GOLM2: variants seen among roughly 807,000 people sequenced by gnomAD.
GOLM2 encodes protein GOLM2.
Under a neutral mutation model 55.9 loss-of-function variants are expected in GOLM2, and 26 were observed. That is an observed-to-expected ratio of 0.47 (90% CI 0.34 to 0.65). The LOEUF (loss-of-function observed/expected upper bound fraction) is 0.65. Ranked by LOEUF, GOLM2 falls within the 30% of genes least tolerant of loss-of-function variation. GOLM2 has a pLI of 0.01. For synonymous variants in GOLM2, 165 were observed against 194.6 expected, an observed-to-expected ratio of 0.85 and a Z score of 1.27; for missense variants, 486 against 531.8, an observed-to-expected ratio of 0.91 and a Z score of 0.85.
At chr15:44,374,612 C>G (rs919870130) in intron 6 of GOLM2, among the ~76,000 whole-genome samples, 1 of 152,202 alleles carries the variant, frequency 6.6e-6, no homozygotes, top group African/African-American at 2.4e-5. Context: ...GGCCTCAGGA[C>G]ACTTGCAATC....
intron 2 of GOLM2, among the ~76,000 whole-genome samples, 173 bp from the exon 3 acceptor site, chr15:44,328,512 A>G (rs1179980273): frequency 1.3e-5 from 2 of 152,206 alleles, no homozygotes; most frequent in Non-Finnish European, 1.5e-5. Context: ...TTGACCATGA[A>G]TGTGTTACAA....
At chr15:44,369,445 T>G (rs991559952) in intron 6 of GOLM2, among the ~76,000 whole-genome samples, 1 of 151,780 alleles carries the variant, frequency 6.6e-6, no homozygotes, top group African/African-American at 2.4e-5. Context: ...TTTTGTTTAT[T>G]TATTGTTATC....
chr15:44,407,209 T>C (rs1181707088), intron 9 of GOLM2, among the ~76,000 whole-genome samples: 1 of 146,854 alleles, frequency 6.8e-6, no homozygotes, highest in Non-Finnish European at 1.5e-5. Context: ...TTTATATTTA[T>C]ATTATATATT....
intron 4 of GOLM2, among the ~76,000 whole-genome samples, chr15:44,335,883 C>T (rs1471743533): frequency 1.4e-5 from 2 of 148,130 alleles, no homozygotes; most frequent in African/African-American, 5.0e-5. Context: ...GGCCCGATCT[C>T]GGCTCACTGC....
At chr15:44,294,696 A>G (rs1157398321) in intron 1 of GOLM2, among the ~76,000 whole-genome samples, 1 of 146,732 alleles carries the variant, frequency 6.8e-6, no homozygotes, top group Non-Finnish European at 1.5e-5. Flanking sequence ...CCTGGAGGAC[A>G]GCGAGACTCC....
intron 1 of GOLM2, among the ~76,000 whole-genome samples, chr15:44,300,530 G>C (rs144223925): frequency 6.6e-6 from 1 of 152,078 alleles, no homozygotes; most frequent in Non-Finnish European, 1.5e-5. Context: ...ATGATGACTA[G>C]GATTTAGTTG....
chr15:44,395,026 T>C (rs1013742640), intron 8 of GOLM2, among the ~76,000 whole-genome samples: 2 of 151,986 alleles, frequency 1.3e-5, no homozygotes, highest in African/African-American at 4.8e-5. Context: ...TTTTTTTTTT[T>C]TGAGACGGAG....
intron 1 of GOLM2, among the ~76,000 whole-genome samples, chr15:44,306,589 T>G (rs1477904038): frequency 6.6e-6 from 1 of 152,224 alleles, no homozygotes; most frequent in East Asian, 1.9e-4. Flanking sequence ...ACAATTTGGC[T>G]GTTTGGCACA....
intron 8 of GOLM2, among the ~76,000 whole-genome samples, chr15:44,394,096 T>C (rs1252280300): frequency 6.6e-6 from 1 of 152,172 alleles, no homozygotes; most frequent in Admixed American, 6.5e-5. Flanking sequence ...AACAACTCTA[T>C]TCACCATAAA....
rs1276927424 is a variant in GOLM2, at chr15:44,289,361, G to A, written c.327+5G>A. The A allele has an allele frequency of 6.2e-7, 1 of 1,607,872 alleles. No homozygotes were observed. ...AAGAGATGCGAGGATGACAAGGTAA[G>A]GACGACCCTTTTCTCTTCAAACCCC... On this transcript the variant is annotated splice_donor_5th_base_variant and intron_variant, in intron 1 of 9. Transcript: ENST00000299957. The surrounding 1 kb of genome is among the most constrained non-coding windows in gnomAD (Gnocchi z 4.8).
chr15:44,339,702 A>G (rs1402436729), intron 6 of GOLM2, among the ~76,000 whole-genome samples: 1 of 152,014 alleles, frequency 6.6e-6, no homozygotes, highest in African/African-American at 2.4e-5. Flanking sequence ...TGGTGCAGTC[A>G]TGGCTCACTG....
chr15:44,367,072 G>T (rs933318077), intron 6 of GOLM2, among the ~76,000 whole-genome samples: 50 of 152,044 alleles, frequency 3.3e-4, no homozygotes, highest in African/African-American at 1.2e-3. Context: ...CAAACTACCA[G>T]GTGGCCATTT....
chr15:44,381,173 G>T (rs974918791), intron 8 of GOLM2, among the ~76,000 whole-genome samples, 197 bp downstream of exon 8: 2 of 152,126 alleles, frequency 1.3e-5, no homozygotes, highest in African/African-American at 4.8e-5. Flanking sequence ...ACTTTAAAAA[G>T]GTTCTCATGT....
At position 44,295,917 on chromosome 15, in the gene GOLM2, T is replaced by TACACACACACACACACACAC. The variant is rs71421830; in HGVS notation, c.327+6573_327+6592dup. On this transcript the variant is annotated intron_variant, in intron 1 of 9. Coordinates refer to ENST00000299957, the MANE Select transcript of GOLM2 (RefSeq NM_138423.4). ...TAGAACAAGGGAGATCCACCACACATACACACACACACACACACACACACA... is the reference window on the plus strand; with the variant it reads ...TAGAACAAGGGAGATCCACCACACATACACACACACACACACACACACACACACACACACACACACACACA... Among the ~76,000 whole-genome samples, 145 of 143,146 alleles carry TACACACACACACACACACAC rather than the reference T, an allele frequency of 1.0e-3. 1 individual carries two copies. Among genetic ancestry groups the TACACACACACACACACACAC allele is most frequent in the African/African-American group, 3.6e-3 (141 of 38,848 alleles). The allele number at this position is 143,146 out of a possible 152,430, so 93.9% of individuals were successfully genotyped here. A position where few individuals can be genotyped will look rare whatever the true frequency, so the allele number is the denominator to read the frequency against.
At chr15:44,320,071 A>G (rs538436123) in intron 1 of GOLM2, among the ~76,000 whole-genome samples, 6 of 151,822 alleles carry the variant, frequency 4.0e-5, no homozygotes, top group African/African-American at 1.4e-4. Context: ...ACAAAAAGTC[A>G]CTCCTCATTC....
At position 44,379,726 on chromosome 15, in the gene GOLM2, A is replaced by G. The variant is rs1392278431; in HGVS notation, c.839A>G (p.Glu280Gly). Residue 280 changes from glutamate to glycine, a missense_variant, in exon 7 of 10, where the codon GAA becomes GGA. Physicochemically the swap from Glu to Gly is moderately conservative, Grantham distance 98 (BLOSUM62 -2). Transcript: ENST00000299957. ...CCTCCTATTTCAGTTTCTCAACATG[A>G]AAGTCATCAAGCAATCTCCCATCTT... ...RKPPISVSQH[E>G]SHQAISHLPT... 12 of 1,611,242 alleles carry G rather than the reference A, an allele frequency of 7.4e-6. No individual in the cohort carries two copies. Among genetic ancestry groups the G allele is most frequent in the Non-Finnish European group, 1.0e-5 (12 of 1,178,568 alleles).
At chr15:44,368,764 C>A (rs2079303643) in intron 6 of GOLM2, among the ~76,000 whole-genome samples, 1 of 150,380 alleles carries the variant, frequency 6.6e-6, no homozygotes, top group Non-Finnish European at 1.5e-5. Flanking sequence ...TATATATAAA[C>A]AGTTGTTTAT....
intron 6 of GOLM2, among the ~76,000 whole-genome samples, chr15:44,375,232 G>A (rs1033397243): frequency 2.0e-5 from 3 of 152,024 alleles, no homozygotes; most frequent in African/African-American, 7.2e-5. Flanking sequence ...TGTTGGCCAG[G>A]CTGGTTTCAA....
At chr15:44,368,067 A>G (rs891912316) in intron 6 of GOLM2, among the ~76,000 whole-genome samples, 3 of 152,102 alleles carry the variant, frequency 2.0e-5, no homozygotes, top group African/African-American at 7.2e-5. Flanking sequence ...TATTCAGATC[A>G]AATATGCAAA....
Sources: gnomAD v4.1 joint callset for allele counts (sites outside exome capture counted in the v4.1 genomes callset) on GRCh38, gnomAD v4.1.1 for gene constraint, Gnocchi (gnomAD v3.1) non-coding constraint, MANE v1.5 for transcripts, NCBI Gene and HGNC (gene_info 2026-07-23, HGNC 2026-07-21) for gene names.